Variants in LRCH2 observed in about 807,000 individuals in gnomAD.
The protein encoded by LRCH2 is leucine-rich repeat and calponin homology domain-containing protein 2.
LRCH2 carries 38 observed loss-of-function variants against 68.9 expected under a neutral mutation model. The ratio of observed to expected loss-of-function variants is 0.55; its 90% CI spans 0.43 to 0.72. The LOEUF is 0.72. Ranked by LOEUF, LRCH2 falls within the 30% of genes least tolerant of loss-of-function variation. LRCH2 has a pLI of 0.00. For missense variants in LRCH2, 528 were observed against 572.9 expected (o/e 0.92, Z 0.80); for synonymous variants, 191 against 208.1 (o/e 0.92, Z 0.71).
chrX:115,168,300 A>G (rs2072579665), intron 6 of LRCH2, among the ~76,000 whole-genome samples: 1 of 111,748 alleles, frequency 8.9e-6, no homozygotes, highest in African/African-American at 3.2e-5. Context: ...GTAGTTCAAT[A>G]CAGGCTGTGA....
intron 20 of LRCH2, among the ~76,000 whole-genome samples, chrX:115,115,185 C>A (rs2752861): frequency 0.058 from 6,340 of 110,040 alleles, 434 homozygotes; most frequent in African/African-American, 0.2. Context: ...GGCTTTTTTG[C>A]AGAAATTGAC....
rs142570807 is a variant in LRCH2 at position 115,158,615 on chromosome X, G to A, written c.1464-1948C>T. ...CATAATTGCTTTTTGTTATTTAGCT[G>A]TATCACATAGTAATTAGAAGCACAT... On this transcript the variant is annotated intron_variant, in intron 11 of 20. Coordinates refer to ENST00000317135, the MANE Select transcript of LRCH2 (RefSeq NM_020871.4). Among the ~76,000 whole-genome samples the A allele has an allele frequency of 1.1e-3, 122 of 111,630 alleles. 4 individuals are homozygous for A. The East Asian group carries it at 0.023, about 21-fold the overall frequency.
At chrX:115,143,957 T>C (rs2072360778) in intron 14 of LRCH2, among the ~76,000 whole-genome samples, 1 of 111,926 alleles carries the variant, frequency 8.9e-6, no homozygotes, top group African/African-American at 3.2e-5. Context: ...CCCTCTGATA[T>C]GGTTTGCTTG....
At chrX:115,126,918 G>C (rs181443053) in intron 15 of LRCH2, 25 bp from the exon 16 acceptor site, 189 of 917,247 alleles carry the variant, frequency 2.1e-4, no homozygotes, top group Admixed American at 7.9e-4. Context: ...TAAAAAGATG[G>C]AAGATGAAAT....
At chrX:115,211,604 G>A in intron 1 of LRCH2, among the ~76,000 whole-genome samples, 1 of 111,860 alleles carries the variant, frequency 8.9e-6, no homozygotes, top group South Asian at 3.8e-4. Flanking sequence ...CAGCACTGGG[G>A]TTCCAAACTC....
chrX:115,154,956 T>G (rs1380932728), intron 12 of LRCH2, among the ~76,000 whole-genome samples: 2 of 100,912 alleles, frequency 2.0e-5, no homozygotes, highest in African/African-American at 7.3e-5. Context: ...AAGTCAGGAG[T>G]TCGAGACCAG....
chrX:115,233,877 A>T lies in LRCH2; in HGVS notation c.165T>A (p.Leu55=), dbSNP rs2073170256. ...TLVVPIPVPT[L]FGQPFPNGPP... is the part of the protein sequence containing the mutation. ...GCCCGTTGGGGAACGGCTGACCGAAAAGAGTCGGTACCGGGATGGGGACCA... is the reference window on the plus strand; with the variant it reads ...GCCCGTTGGGGAACGGCTGACCGAATAGAGTCGGTACCGGGATGGGGACCA... Residue 55 remains leucine (L), a synonymous_variant, in exon 1 of 21, where the codon CTT becomes CTA. Transcript: ENST00000317135. 8.6e-7 allele frequency: 1 copy of T among 1,165,796 alleles called. No individual in the cohort carries two copies. The highest frequency in any genetic ancestry group is 1.1e-6 in the Non-Finnish European group (1 of 872,462).
rs782505442 is a variant in LRCH2, at chrX:115,110,718, C to A, written c.*2498G>T. 4 of 111,728 alleles carry A rather than the reference C, an allele frequency of 3.6e-5. No individual in the cohort carries two copies. Among genetic ancestry groups the A allele is most frequent in the Non-Finnish European group, 5.7e-5 (3 of 53,059 alleles). The allele number at this position is 111,728 out of a possible 1,213,427, so 9.2% of individuals were successfully genotyped here. A position where few individuals can be genotyped will look rare whatever the true frequency, so the allele number is the denominator to read the frequency against. On this transcript the variant is annotated 3_prime_UTR_variant, in exon 21 of 21. Transcript: ENST00000317135. ...AAAAGCAATTATGATAGATCTGTGA[C>A]CAATACAAACATTTCTGATTTATTC... is the stretch of plus-strand genomic sequence containing the variant.
At chrX:115,212,421 C>A (rs950006904) in intron 1 of LRCH2, among the ~76,000 whole-genome samples, 1 of 112,281 alleles carries the variant, frequency 8.9e-6, no homozygotes, top group African/African-American at 3.2e-5. Flanking sequence ...GCATGATTAT[C>A]TTTTGCTTTG....
chrX:115,207,250 A>C (rs2072974952), intron 1 of LRCH2, among the ~76,000 whole-genome samples: 1 of 111,841 alleles, frequency 8.9e-6, no homozygotes, highest in Non-Finnish European at 1.9e-5. Context: ...GGGAAAAAAA[A>C]ACAGCTGGGT....
chrX:115,147,678 C>T (rs2072397746), intron 14 of LRCH2, among the ~76,000 whole-genome samples: 1 of 111,022 alleles, frequency 9.0e-6, no homozygotes, highest in Non-Finnish European at 1.9e-5. Context: ...TTTTAAAATG[C>T]TCAGTTTTTA....
At chrX:115,142,218 G>A (rs186108004) in intron 14 of LRCH2, among the ~76,000 whole-genome samples, 45 of 111,941 alleles carry the variant, frequency 4.0e-4, no homozygotes, top group Admixed American at 2.8e-4. Context: ...GTAATAGCTG[G>A]AGACTTCAAC....
In LRCH2 at chrX:115,165,548, T is replaced by C. The variant is rs2072552223; in HGVS notation, c.1296+10A>G. On this transcript the variant is annotated intron_variant, in intron 9 of 20. Transcript: ENST00000317135. ...ACATGTTATTAATATTTGTTCAAAG[T>C]TTTATTTACCTTAAAGAATGATACA... The C allele has an allele frequency of 8.9e-7, 1 of 1,129,142 alleles. No individual in the cohort carries two copies. Among genetic ancestry groups the C allele is most frequent in the African/African-American group, 1.8e-5 (1 of 55,292 alleles). The allele number at this position is 1,129,142 out of a possible 1,213,427, so 93.1% of individuals were successfully genotyped here.
At position 115,165,830 on chromosome X, in the gene LRCH2, A is replaced by AT; in HGVS notation, c.1198+10dup. Reference sequence around the variant, plus strand: ...ACATGAAACAAAAATAGCAGGTACCATATGAATTACCTTTCTGAGAATCAG... The same window carrying AT: ...ACATGAAACAAAAATAGCAGGTACCATTATGAATTACCTTTCTGAGAATCAG... On this transcript the variant is annotated intron_variant, in intron 8 of 20. Transcript: ENST00000317135. The AT allele has an allele frequency of 9.0e-7, 1 of 1,114,860 alleles. No homozygotes were observed. The highest frequency in any genetic ancestry group is 1.8e-5 in the African/African-American group (1 of 55,097). 91.9% of individuals were successfully genotyped at this position (1,114,860 alleles called of 1,213,427 possible). A position where few individuals can be genotyped will look rare whatever the true frequency, so the allele number is the denominator to read the frequency against.
At chrX:115,183,461 G>A (rs782420407) in intron 3 of LRCH2, among the ~76,000 whole-genome samples, 3 of 111,310 alleles carry the variant, frequency 2.7e-5, no homozygotes, top group Non-Finnish European at 5.7e-5. Flanking sequence ...TTGGGAGGCC[G>A]AAGCAAGTGG....
At chrX:115,117,770 T>C (rs1344443599) in intron 20 of LRCH2, among the ~76,000 whole-genome samples, 3 of 111,151 alleles carry the variant, frequency 2.7e-5, no homozygotes. Context: ...AGAAAGCAGA[T>C]TAGTGGTTGC....
rs868957126 is a variant in LRCH2 at position 115,123,014 on chromosome X, G to A, written c.1962+66C>T. 1.1e-4 allele frequency: 123 copies of A among 1,099,088 alleles called. No individual in the cohort carries two copies. The African/African-American group carries it at 1.8e-3, about 16-fold the overall frequency. 90.6% of individuals were successfully genotyped at this position (1,099,088 alleles called of 1,213,427 possible). On this transcript the variant is annotated intron_variant, in intron 18 of 20. Coordinates refer to ENST00000317135, the MANE Select transcript of LRCH2 (RefSeq NM_020871.4). ...GGAGCATTGAAAATGAAATCTGTAC[G>A]CCTTATTAATTTTCCAAGTTAAACC...
intron 1 of LRCH2, among the ~76,000 whole-genome samples, chrX:115,225,899 T>A (rs190982250): frequency 2.5e-3 from 280 of 112,157 alleles, no homozygotes; most frequent in African/African-American, 8.3e-3. Flanking sequence ...TCGAAATACC[T>A]TTTTAAACAC....
intron 20 of LRCH2, among the ~76,000 whole-genome samples, chrX:115,122,042 T>G (rs1362514775): frequency 9.0e-6 from 1 of 111,474 alleles, no homozygotes; most frequent in Non-Finnish European, 1.9e-5. Flanking sequence ...AGACAATTCC[T>G]AAAAATTTCA....
Sources: gnomAD v4.1 joint callset for allele counts (sites outside exome capture counted in the v4.1 genomes callset) on GRCh38, gnomAD v4.1.1 for gene constraint, MANE v1.5 for transcripts, NCBI Gene and HGNC (gene_info 2026-07-23, HGNC 2026-07-21) for gene names.